ARHGAP6: variants seen among roughly 807,000 people sequenced by gnomAD.
ARHGAP6 encodes Rho GTPase activating protein 6, also known as rho GTPase-activating protein 6.
Under a neutral mutation model 55.7 loss-of-function variants are expected in ARHGAP6, and 16 were observed. That is an observed-to-expected ratio of 0.29 (90% CI 0.19 to 0.44). The LOEUF is 0.44. ARHGAP6 is among the 20% of genes least tolerant of loss of function. The pLI, the probability that ARHGAP6 is intolerant of heterozygous loss-of-function variation, is 1.00. For synonymous variants in ARHGAP6, 382 were observed against 360.9 expected, an observed-to-expected ratio of 1.06 and a Z score of -0.66; for missense variants, 698 against 808.9, an observed-to-expected ratio of 0.86 and a Z score of 1.66.
At chrX:11,593,399 C>T (rs1446231302) in intron 1 of ARHGAP6, among the ~76,000 whole-genome samples, 1 of 111,768 alleles carries the variant, frequency 8.9e-6, no homozygotes, top group East Asian at 2.8e-4. Context: ...AAAGACCAAA[C>T]CATAGTGACA....
chrX:11,424,638 C>A (rs1373607167), intron 1 of ARHGAP6, among the ~76,000 whole-genome samples: 2 of 111,750 alleles, frequency 1.8e-5, no homozygotes, highest in Non-Finnish European at 3.8e-5. Context: ...GCCCAAATAC[C>A]AGGATGCACT....
chrX:11,195,524 A>G (rs2147358902), intron 3 of ARHGAP6, among the ~76,000 whole-genome samples: 1 of 111,161 alleles, frequency 9.0e-6, no homozygotes, highest in South Asian at 3.8e-4. Flanking sequence ...AGAGTAAACA[A>G]TTCCCAAAAC....
chrX:11,492,944 C>G (rs919788135), intron 1 of ARHGAP6, among the ~76,000 whole-genome samples: 14 of 111,653 alleles, frequency 1.3e-4, no homozygotes, highest in African/African-American at 4.2e-4. Flanking sequence ...CTCCTTACCA[C>G]TAGACAAAAT....
At chrX:11,461,723 T>G (rs1353521049) in intron 1 of ARHGAP6, among the ~76,000 whole-genome samples, 1 of 112,158 alleles carries the variant, frequency 8.9e-6, no homozygotes, top group Non-Finnish European at 1.9e-5. Context: ...ACAAGACAGT[T>G]CAGCAGAACA....
intron 1 of ARHGAP6, among the ~76,000 whole-genome samples, chrX:11,625,663 A>C (rs777263601): frequency 8.9e-6 from 1 of 112,108 alleles, no homozygotes; most frequent in African/African-American, 3.2e-5. Context: ...ATATATTTCA[A>C]AATAGGTAAA....
chrX:11,536,478 C>G (rs773581742), intron 1 of ARHGAP6, among the ~76,000 whole-genome samples: 140 of 112,079 alleles, frequency 1.2e-3, no homozygotes, highest in African/African-American at 4.5e-3. Flanking sequence ...GGATTCCTCC[C>G]TTCTCTGTCT....
At chrX:11,293,161 G>T (rs2048023938) in intron 1 of ARHGAP6, among the ~76,000 whole-genome samples, 1 of 112,314 alleles carries the variant, frequency 8.9e-6, no homozygotes, top group Admixed American at 9.4e-5. Flanking sequence ...ATATCAACAT[G>T]TACAGTCAAC....
chrX:11,382,882 C>T (rs747512184), intron 1 of ARHGAP6, among the ~76,000 whole-genome samples: 58 of 112,329 alleles, frequency 5.2e-4, no homozygotes, highest in African/African-American at 1.6e-3. Context: ...GCAGCTTATA[C>T]GGACATCAAA....
chrX:11,549,154 C>G (rs2051240745), intron 1 of ARHGAP6, among the ~76,000 whole-genome samples: 2 of 111,781 alleles, frequency 1.8e-5, no homozygotes, highest in African/African-American at 6.5e-5. Flanking sequence ...CAGAAGGTTG[C>G]AAAGCAAGGG....
chrX:11,217,161 T>A (rs1744813934), intron 2 of ARHGAP6, among the ~76,000 whole-genome samples: 1 of 112,392 alleles, frequency 8.9e-6, no homozygotes, highest in Non-Finnish European at 1.9e-5. Context: ...TTGTGAATAG[T>A]GCTGCAATAA....
intron 1 of ARHGAP6, among the ~76,000 whole-genome samples, chrX:11,476,487 C>T (rs1356583480): frequency 9.0e-6 from 1 of 111,520 alleles, no homozygotes; most frequent in Non-Finnish European, 1.9e-5. Flanking sequence ...TATTGAAATA[C>T]CAAGAACCCA....
intron 2 of ARHGAP6, among the ~76,000 whole-genome samples, chrX:11,249,830 T>C (rs1352777153): frequency 8.9e-6 from 1 of 112,150 alleles, no homozygotes; most frequent in Non-Finnish European, 1.9e-5. Flanking sequence ...TAAAATGTAG[T>C]GAAACTTGTT....
At chrX:11,465,188 T>C (rs1956116827) in intron 1 of ARHGAP6, among the ~76,000 whole-genome samples, 1 of 112,168 alleles carries the variant, frequency 8.9e-6, no homozygotes, top group Admixed American at 9.5e-5. Flanking sequence ...GATACCCAAT[T>C]ATTGAGCCCG....
At chrX:11,331,622 G>A (rs928964191) in intron 1 of ARHGAP6, among the ~76,000 whole-genome samples, 1 of 111,880 alleles carries the variant, frequency 8.9e-6, no homozygotes, top group African/African-American at 3.2e-5. Context: ...GTAAAACCAT[G>A]CTTAAGATAG....
chrX:11,298,212 G>A (rs1442642918), intron 1 of ARHGAP6: 1 of 1,210,693 alleles, frequency 8.3e-7, no homozygotes, highest in Non-Finnish European at 1.1e-6. Context: ...AATCAAATGG[G>A]TTCTAATATC....
chrX:11,517,934 T>C (rs1465318681), intron 1 of ARHGAP6, among the ~76,000 whole-genome samples: 1 of 107,249 alleles, frequency 9.3e-6, no homozygotes, highest in Admixed American at 1.0e-4. Flanking sequence ...CGTTTACCTA[T>C]GTAACAAACC....
At chrX:11,499,066 C>A (rs144360290) in intron 1 of ARHGAP6, among the ~76,000 whole-genome samples, 1 of 112,070 alleles carries the variant, frequency 8.9e-6, no homozygotes, top group Non-Finnish European at 1.9e-5. Context: ...GCACTTCTCC[C>A]CTTCCCTGTC....
At chrX:11,288,067 G>A (rs2047957212) in intron 1 of ARHGAP6, among the ~76,000 whole-genome samples, 1 of 112,131 alleles carries the variant, frequency 8.9e-6, no homozygotes, top group Non-Finnish European at 1.9e-5. Context: ...CTATTGAAAC[G>A]TGCAACTCAG....
intron 3 of ARHGAP6, among the ~76,000 whole-genome samples, chrX:11,191,645 T>C (rs7879470): frequency 0.036 from 4,057 of 111,841 alleles, 207 homozygotes; most frequent in African/African-American, 0.12. Context: ...CCCTTTACTT[T>C]CTAGCTTATA....
Sources: allele counts gnomAD v4.1 joint callset (sites outside exome capture counted in the v4.1 genomes callset), GRCh38; gene constraint gnomAD v4.1.1; transcripts MANE v1.5; gene names NCBI Gene and HGNC (gene_info 2026-07-23, HGNC 2026-07-21).